Variants in MTHFD1L observed in about 807,000 individuals in gnomAD.
MTHFD1L encodes the protein monofunctional C1-tetrahydrofolate synthase, mitochondrial.
Under a neutral mutation model 119.5 loss-of-function variants are expected in MTHFD1L, and 81 were observed. The observed-to-expected ratio is 0.68, with a 90% CI of 0.57 to 0.82. The LOEUF is 0.82. Ranked by LOEUF, MTHFD1L falls within the 40% of genes least tolerant of loss-of-function variation. The probability of loss-of-function intolerance (pLI) is 0.00; values close to 1 mark genes in which losing one functional copy is unlikely to be tolerated. For missense variants in MTHFD1L, 1,125 were observed against 1,253.4 expected, an observed-to-expected ratio of 0.90 and a Z score of 1.55; for synonymous variants, 430 against 475.2, an observed-to-expected ratio of 0.90 and a Z score of 1.24.
chr6:151,092,008 C>T (rs545163025), intron 26 of MTHFD1L, among the ~76,000 whole-genome samples: 4 of 152,202 alleles, frequency 2.6e-5, no homozygotes, highest in Admixed American at 6.5e-5. Context: ...ACCGGGGTGA[C>T]GACTGGCATC....
At chr6:150,953,479 G>T (rs1795143113) in intron 16 of MTHFD1L, among the ~76,000 whole-genome samples, 1 of 152,162 alleles carries the variant, frequency 6.6e-6, no homozygotes, top group Non-Finnish European at 1.5e-5. Flanking sequence ...GGCACAAGTA[G>T]CCCCTCAATA....
At chr6:150,964,825 A>C in intron 18 of MTHFD1L, 144 bp from the exon 19 acceptor site, 1 of 620,916 alleles carries the variant, frequency 1.6e-6, no homozygotes. Context: ...AGAGGTGGAC[A>C]GAGACAGCAG....
At chr6:150,916,500 G>GTTTTTTTTTT (rs1491386770) in intron 8 of MTHFD1L, among the ~76,000 whole-genome samples, 1 of 51,020 alleles carries the variant, frequency 2.0e-5, no homozygotes, top group Non-Finnish European at 3.1e-5. Flanking sequence ...TTTTTTTTTT[G>GTTTTTTTTTT]GTATTTTTAG....
chr6:150,995,313 G>A lies in MTHFD1L; in HGVS notation c.2126-14506G>A, dbSNP rs555719268. On this transcript the variant is annotated intron_variant, in intron 20 of 27. Coordinates refer to ENST00000367321, the MANE Select transcript of MTHFD1L (RefSeq NM_015440.5). ...GCAGATCGCCTGAGGTCGGGAGTTC[G>A]AGACCAGCCTGACCAACATGGAGAA... is the stretch of plus-strand genomic sequence containing the variant. Among the ~76,000 whole-genome samples, 731 of 152,146 alleles carry A rather than the reference G, an allele frequency of 4.8e-3. 5 individuals are homozygous for A. Among genetic ancestry groups the A allele is most frequent in the African/African-American group, 0.017 (697 of 41,540 alleles).
intron 26 of MTHFD1L, among the ~76,000 whole-genome samples, chr6:151,041,061 G>A (rs376073539): frequency 6.6e-6 from 1 of 152,186 alleles, no homozygotes; most frequent in Non-Finnish European, 1.5e-5. Flanking sequence ...ACACGGGGTC[G>A]CAGTGAGCGT....
At chr6:150,938,837 C>T in intron 13 of MTHFD1L, 92 bp downstream of exon 13, 1 of 1,437,200 alleles carries the variant, frequency 7.0e-7, no homozygotes, top group Non-Finnish European at 9.6e-7. Flanking sequence ...CACAGACCCT[C>T]ATCCATAATC....
intron 6 of MTHFD1L, among the ~76,000 whole-genome samples, chr6:150,886,435 CAAAAAAAA>C (rs996165446): frequency 4.3e-5 from 3 of 69,636 alleles, no homozygotes; most frequent in African/African-American, 1.5e-4. Context: ...GACCCTGCCT[CAAAAAAAA>C]AAAAAAAAAA....
intron 18 of MTHFD1L, 134 bp downstream of exon 18, chr6:150,960,549 T>C: frequency 8.2e-7 from 1 of 1,224,024 alleles, no homozygotes; most frequent in Non-Finnish European, 1.1e-6. Context: ...ACACATTTCT[T>C]CCCCGACAAG....
At chr6:150,884,162 GAC>G (rs1491504224) in intron 5 of MTHFD1L, among the ~76,000 whole-genome samples, 3 of 135,958 alleles carry the variant, frequency 2.2e-5, no homozygotes, top group African/African-American at 8.3e-5. Context: ...TTTTTTTTGA[GAC>G]AGAGTCTCAC....
intron 20 of MTHFD1L, among the ~76,000 whole-genome samples, chr6:150,988,960 G>A (rs868808162): frequency 3.9e-5 from 6 of 152,206 alleles, no homozygotes; most frequent in East Asian, 1.9e-4. Context: ...GGCTGGTGTC[G>A]AACTCCTGAC....
intron 11 of MTHFD1L, among the ~76,000 whole-genome samples, chr6:150,927,401 C>G (rs1283598572): frequency 1.3e-5 from 2 of 151,220 alleles, no homozygotes; most frequent in African/African-American, 4.9e-5. Context: ...GAATATTGAG[C>G]TATGTCACCA....
At chr6:151,044,545 C>T (rs1402351347) in intron 26 of MTHFD1L, among the ~76,000 whole-genome samples, 1 of 152,086 alleles carries the variant, frequency 6.6e-6, no homozygotes, top group African/African-American at 2.4e-5. Flanking sequence ...TCGTGATTCA[C>T]CTGCCTCAGC....
intron 17 of MTHFD1L, among the ~76,000 whole-genome samples, chr6:150,959,781 C>G (rs546776568): frequency 6.6e-6 from 1 of 152,248 alleles, no homozygotes; most frequent in African/African-American, 2.4e-5. Context: ...GGAGGTGGCC[C>G]GTAGGCTAGT....
chr6:150,945,870 C>G (rs1049380213), intron 15 of MTHFD1L, among the ~76,000 whole-genome samples: 1 of 152,122 alleles, frequency 6.6e-6, no homozygotes, highest in Non-Finnish European at 1.5e-5. Context: ...CACATACATA[C>G]CTGTAGTCCG....
At position 151,005,530 on chromosome 6, in the gene MTHFD1L, G is replaced by A. The variant is rs958741447; in HGVS notation, c.2126-4289G>A. Among the ~76,000 whole-genome samples, 7 of 151,942 alleles carry A rather than the reference G, an allele frequency of 4.6e-5. No individual in the cohort carries two copies. In the East Asian group the frequency reaches 5.8e-4, roughly 13 times the overall value. ...ACCTTTACTTCTGCATGTTGTTTTC[G>A]TCCCCTAGCTAGAGTTCTCTTTATT... On this transcript the variant is annotated intron_variant, in intron 20 of 27. Coordinates refer to ENST00000367321, the MANE Select transcript of MTHFD1L (RefSeq NM_015440.5).
intron 10 of MTHFD1L, among the ~76,000 whole-genome samples, chr6:150,925,424 A>G (rs1249491749): frequency 1.3e-5 from 2 of 152,166 alleles, no homozygotes; most frequent in African/African-American, 2.4e-5. Flanking sequence ...CACTCCTGTA[A>G]GACGAGCAGT....
At chr6:150,914,061 C>T (rs1451368425) in intron 8 of MTHFD1L, among the ~76,000 whole-genome samples, 4 of 152,318 alleles carry the variant, frequency 2.6e-5, no homozygotes, top group East Asian at 1.9e-4. Context: ...ACCCAGGAGG[C>T]GGAGGCTGCA....
chr6:151,040,922 C>T (rs374022771), intron 26 of MTHFD1L, among the ~76,000 whole-genome samples: 9 of 152,204 alleles, frequency 5.9e-5, no homozygotes, highest in African/African-American at 9.7e-5. Context: ...CTTTCACTTA[C>T]GACTTGTTAG....
At chr6:150,940,992 C>T (rs550644431) in intron 13 of MTHFD1L, among the ~76,000 whole-genome samples, 48 of 152,334 alleles carry the variant, frequency 3.2e-4, no homozygotes, top group Admixed American at 7.8e-4. Flanking sequence ...CTCTGAGCAC[C>T]GTGCCTGACA....
Sources: gnomAD v4.1 joint callset for allele counts (sites outside exome capture counted in the v4.1 genomes callset) on GRCh38, gnomAD v4.1.1 for gene constraint, MANE v1.5 for transcripts, NCBI Gene and HGNC (gene_info 2026-07-23, HGNC 2026-07-21) for gene names.